The following PLN variants were observed in gnomAD, a reference collection of about 807,000 sequenced individuals.
The protein encoded by PLN is phospholamban.
PLN carries 1 observed loss-of-function variant against 3.9 expected under a neutral mutation model. That is an observed-to-expected ratio of 0.26 (90% CI 0.09 to 1.23). The LOEUF is 1.23. PLN is among the 50% of genes most tolerant of loss of function. The pLI, the probability that PLN is intolerant of heterozygous loss-of-function variation, is 0.48. For missense variants in PLN, 59 were observed against 62.7 expected (o/e 0.94, Z 0.20); for synonymous variants, 21 against 20.5 (o/e 1.02, Z -0.07).
chr6:118,557,767 T>C (rs577666240), intron 1 of PLN, among the ~76,000 whole-genome samples: 1 of 152,180 alleles, frequency 6.6e-6, no homozygotes, highest in Non-Finnish European at 1.5e-5. Context: ...ACGGTGATCA[T>C]ACAAATGCAT....
intron 1 of PLN, among the ~76,000 whole-genome samples, chr6:118,551,508 C>T (rs951567630): frequency 2.0e-5 from 3 of 151,918 alleles, no homozygotes; most frequent in Admixed American, 2.0e-4. Flanking sequence ...TGTAAATACA[C>T]TTGTAAAGCA....
At position 118,559,551 on chromosome 6, in the gene PLN, T is replaced by C. The variant is rs982133014; in HGVS notation, c.*471T>C. On this transcript the variant is annotated 3_prime_UTR_variant, in exon 2 of 2. Coordinates refer to ENST00000357525, the MANE Select transcript of PLN (RefSeq NM_002667.5). ...AAGTAATAACACAAATGAAGTGTCATTATTCAAAATAGTCCACTGACTCCT... is the reference window on the plus strand; with the variant it reads ...AAGTAATAACACAAATGAAGTGTCACTATTCAAAATAGTCCACTGACTCCT... The C allele has an allele frequency of 2.1e-5, 4 of 189,752 alleles. No homozygotes were observed. The highest frequency in any genetic ancestry group is 1.6e-4 in the Admixed American group (3 of 18,226). 11.8% of individuals were successfully genotyped at this position (189,752 alleles called of 1,614,324 possible).
intron 1 of PLN, among the ~76,000 whole-genome samples, chr6:118,558,354 G>A (rs1778999533): frequency 6.6e-6 from 1 of 152,134 alleles, no homozygotes; most frequent in Non-Finnish European, 1.5e-5. Context: ...GTTTGGTGAT[G>A]TTTTTGTGAC....
chr6:118,559,946 T>C lies in PLN; in HGVS notation c.*866T>C, dbSNP rs147557787. 10 of 167,190 alleles carry C rather than the reference T, an allele frequency of 6.0e-5. No homozygotes were observed. The East Asian group carries it at 1.9e-3, about 32-fold the overall frequency. The allele number at this position is 167,190 out of a possible 1,614,324, so 10.4% of individuals were successfully genotyped here. A position where few individuals can be genotyped will look rare whatever the true frequency, so the allele number is the denominator to read the frequency against. On this transcript the variant is annotated 3_prime_UTR_variant, in exon 2 of 2. Transcript: ENST00000357525. ...TGAGCTAGAGTTACCTAGCTTACCA[T>C]ACTATATCTTTGGAATCATGAAACC...
intron 1 of PLN, among the ~76,000 whole-genome samples, chr6:118,557,725 AAATT>A (rs1429143392): frequency 6.6e-6 from 1 of 152,198 alleles, no homozygotes; most frequent in African/African-American, 2.4e-5. Flanking sequence ...GGATGAATAC[AAATT>A]ATTATCGAAT....
At chr6:118,549,354 T>C (rs897580862) in intron 1 of PLN, among the ~76,000 whole-genome samples, 1 of 151,916 alleles carries the variant, frequency 6.6e-6, no homozygotes, top group East Asian at 1.9e-4. Flanking sequence ...CTGTTTGAAT[T>C]CTACCCTATT....
Position 118,559,389 on chromosome 6 carries a change from G to T in PLN, c.*309G>T. 2.7e-6 allele frequency: 1 copy of T among 370,162 alleles called. No individual in the cohort carries two copies. The highest frequency in any genetic ancestry group is 5.3e-6 in the Non-Finnish European group (1 of 187,542). The allele number at this position is 370,162 out of a possible 1,614,324, so 22.9% of individuals were successfully genotyped here. The stretch of plus-strand genomic sequence containing the variant: ...ATCTTTTCTGAAGATGAAGAGTTTA[G>T]TTTTAAAACTGCACTGCCAACAAGT... On this transcript the variant is annotated 3_prime_UTR_variant, in exon 2 of 2. Transcript: ENST00000357525.
Position 118,561,583 on chromosome 6 carries a change from T to C in PLN, c.*2503T>C, listed in dbSNP as rs1479263999. On this transcript the variant is annotated 3_prime_UTR_variant, in exon 2 of 2. Coordinates refer to ENST00000357525, the MANE Select transcript of PLN (RefSeq NM_002667.5). ...TGTTCTACTATAGAATAAGTTCTTA[T>C]CTTAATTTACAGGGCACTAAAAACA... Among the ~76,000 whole-genome samples the C allele has an allele frequency of 6.6e-6, 1 of 151,026 alleles. No homozygotes were observed. Among genetic ancestry groups the C allele is most frequent in the Non-Finnish European group, 1.5e-5 (1 of 67,992 alleles).
chr6:118,556,046 T>G (rs1778853055), intron 1 of PLN, among the ~76,000 whole-genome samples: 1 of 152,228 alleles, frequency 6.6e-6, no homozygotes, highest in African/African-American at 2.4e-5. Context: ...TTATCCAGTC[T>G]GTCACTGATG....
At chr6:118,549,003 T>C (rs1374790458) in intron 1 of PLN, among the ~76,000 whole-genome samples, 1 of 151,970 alleles carries the variant, frequency 6.6e-6, no homozygotes, top group Non-Finnish European at 1.5e-5. Context: ...AACAAACATT[T>C]CTAAAAAAAT....
chr6:118,558,634 C>CACACAA (rs1431017727), intron 1 of PLN, among the ~76,000 whole-genome samples, 191 bp from the exon 2 acceptor site: 2 of 92,858 alleles, frequency 2.2e-5, no homozygotes, highest in East Asian at 4.4e-4. Flanking sequence ...CATACACACA[C>CACACAA]ACACACACAC....
chr6:118,557,464 G>A (rs1778944136), intron 1 of PLN, among the ~76,000 whole-genome samples: 1 of 152,178 alleles, frequency 6.6e-6, no homozygotes, highest in Admixed American at 6.5e-5. Context: ...TAACATTTAA[G>A]TATGTGTGGG....
intron 1 of PLN, among the ~76,000 whole-genome samples, chr6:118,552,741 A>T (rs1032082397): frequency 6.6e-6 from 1 of 152,050 alleles, no homozygotes; most frequent in African/African-American, 2.4e-5. Context: ...AAAGAATAGT[A>T]AAGAATTCTT....
Position 118,560,708 on chromosome 6 carries a change from T to G in PLN, c.*1628T>G, listed in dbSNP as rs924662281. ...ATAGATCCAGCTATGCTATTTATAATTATTTTCTTGATGAATAAATTTTCA... is the reference window on the plus strand; with the variant it reads ...ATAGATCCAGCTATGCTATTTATAAGTATTTTCTTGATGAATAAATTTTCA... On this transcript the variant is annotated 3_prime_UTR_variant, in exon 2 of 2. Coordinates refer to ENST00000357525, the MANE Select transcript of PLN (RefSeq NM_002667.5). The G allele has an allele frequency of 1.2e-5, 2 of 166,084 alleles. No individual in the cohort carries two copies. Among genetic ancestry groups the G allele is most frequent in the African/African-American group, 4.8e-5 (2 of 41,466 alleles). 10.3% of individuals were successfully genotyped at this position (166,084 alleles called of 1,614,324 possible).
In PLN at chr6:118,559,540, A is replaced by T. The variant is rs1779104597; in HGVS notation, c.*460A>T. The T allele has an allele frequency of 5.1e-6, 1 of 194,898 alleles. No homozygotes were observed. Among genetic ancestry groups the T allele is most frequent in the African/African-American group, 2.4e-5 (1 of 41,758 alleles). 12.1% of individuals were successfully genotyped at this position (194,898 alleles called of 1,614,324 possible). A position where few individuals can be genotyped will look rare whatever the true frequency, so the allele number is the denominator to read the frequency against. On this transcript the variant is annotated 3_prime_UTR_variant, in exon 2 of 2. Transcript: ENST00000357525. ...ACCAAGTATCAAAGTAATAACACAA[A>T]TGAAGTGTCATTATTCAAAATAGTC...
chr6:118,561,310 T>C lies in PLN; in HGVS notation c.*2230T>C, dbSNP rs2114979741. Among the ~76,000 whole-genome samples, 1 of 152,302 alleles carries C rather than the reference T, an allele frequency of 6.6e-6. No homozygotes were observed. Among genetic ancestry groups the C allele is most frequent in the African/African-American group, 2.4e-5 (1 of 41,568 alleles). On this transcript the variant is annotated 3_prime_UTR_variant, in exon 2 of 2. Coordinates refer to ENST00000357525, the MANE Select transcript of PLN (RefSeq NM_002667.5). ...AAACAAGTGGAAAATTTGAACTGAT[T>C]AGTCATATTCCTTTGATTACACTGT... is the stretch of plus-strand genomic sequence containing the variant.
Position 118,557,339 on chromosome 6 carries a change from A to T in PLN, c.-97-1486A>T, listed in dbSNP as rs117277947. On this transcript the variant is annotated intron_variant, in intron 1 of 1. Coordinates refer to ENST00000357525, the MANE Select transcript of PLN (RefSeq NM_002667.5). Reference sequence around the variant, plus strand: ...ACCAATTACATCTACAGAGTAACAGATTTAAAGAAACTATATGTTAGAACT... The same window carrying T: ...ACCAATTACATCTACAGAGTAACAGTTTTAAAGAAACTATATGTTAGAACT... 9.6e-4 allele frequency among the ~76,000 whole-genome samples: 146 copies of T among 152,342 alleles called. 3 individuals are homozygous for T. The East Asian group carries it at 0.025, about 26-fold the overall frequency.
intron 1 of PLN, among the ~76,000 whole-genome samples, chr6:118,554,278 C>A (rs1340304388): frequency 6.6e-6 from 1 of 152,044 alleles, no homozygotes; most frequent in African/African-American, 2.4e-5. Flanking sequence ...CAGAGCAAGA[C>A]CCTGTCAGTC....
rs1407681601 is a variant in PLN at position 118,558,830 on chromosome 6, C to G, written c.-92C>G. The G allele has an allele frequency of 5.8e-6, 5 of 864,278 alleles. No individual in the cohort carries two copies. The East Asian group carries it at 1.2e-4, about 21-fold the overall frequency. 53.5% of individuals were successfully genotyped at this position (864,278 alleles called of 1,614,324 possible). On this transcript the variant is annotated 5_prime_UTR_variant, in exon 2 of 2. Transcript: ENST00000357525. ...TTATTATTTTTACATTCCAGGCTACCTAAAAGAAGACAGTTATCTCATATT... is the reference window on the plus strand; with the variant it reads ...TTATTATTTTTACATTCCAGGCTACGTAAAAGAAGACAGTTATCTCATATT...
Sources: allele counts gnomAD v4.1 joint callset (sites outside exome capture counted in the v4.1 genomes callset), GRCh38; gene constraint gnomAD v4.1.1; transcripts MANE v1.5; gene names NCBI Gene and HGNC (gene_info 2026-07-23, HGNC 2026-07-21).